The following NFX1 variants were observed in gnomAD, a reference collection of about 807,000 sequenced individuals.
The protein encoded by NFX1 is transcriptional repressor NF-X1.
In NFX1, 69 loss-of-function variants were observed where a neutral mutation model predicts 137.2. The ratio of observed to expected loss-of-function variants is 0.50; its 90% confidence interval spans 0.41 to 0.61. NFX1 has a LOEUF of 0.61. Ranked by LOEUF, NFX1 falls within the 20% of genes least tolerant of loss-of-function variation. NFX1 has a pLI of 0.00. For missense variants in NFX1, 1,167 were observed against 1,391.0 expected, an observed-to-expected ratio of 0.84 and a Z score of 2.56; for synonymous variants, 495 against 474.1, an observed-to-expected ratio of 1.04 and a Z score of -0.57.
At chr9:33,351,437 C>T (rs1282439128) in intron 15 of NFX1, 123 bp from the exon 16 acceptor site, 1 of 899,394 alleles carries the variant, frequency 1.1e-6, no homozygotes, top group African/African-American at 1.7e-5. Flanking sequence ...CAGTGAAACC[C>T]TATATCCGAA....
Position 33,364,125 on chromosome 9 carries a change from C to T in NFX1, c.2972+17C>T, listed in dbSNP as rs765638560. The T allele has an allele frequency of 1.8e-5, 28 of 1,564,544 alleles. No homozygotes were observed. In the Admixed American group the frequency reaches 4.7e-4, roughly 26 times the overall value. On this transcript the variant is annotated intron_variant, in intron 20 of 23. Coordinates refer to ENST00000379540, the MANE Select transcript of NFX1 (RefSeq NM_002504.6). ...AGATGCCAGGTATGTAACTTGTTAC[C>T]TGCTTTCTTAATTGTGGCTTGTCAG...
chr9:33,315,756 GT>G (rs1416530909), intron 7 of NFX1, among the ~76,000 whole-genome samples: 2 of 151,908 alleles, frequency 1.3e-5, no homozygotes, highest in Non-Finnish European at 2.9e-5. Flanking sequence ...GCCAGACATG[GT>G]GGCATGTATC....
chr9:33,316,381 A>C (rs903407570), intron 7 of NFX1, among the ~76,000 whole-genome samples: 1 of 151,836 alleles, frequency 6.6e-6, no homozygotes, highest in African/African-American at 2.4e-5. Context: ...CAGCCTCCCA[A>C]GTAGCTGGCA....
At chr9:33,362,159 T>G (rs1209815249) in intron 19 of NFX1, among the ~76,000 whole-genome samples, 1 of 150,900 alleles carries the variant, frequency 6.6e-6, no homozygotes, top group East Asian at 1.9e-4. Context: ...AAGGGAACAC[T>G]TACACATTCT....
At chr9:33,339,739 C>T (rs1823149673) in intron 12 of NFX1, among the ~76,000 whole-genome samples, 1 of 152,222 alleles carries the variant, frequency 6.6e-6, no homozygotes, top group Non-Finnish European at 1.5e-5. Context: ...GGAGTACAGG[C>T]ATTGGGTATA....
At position 33,313,802 on chromosome 9, in the gene NFX1, TG is replaced by T; in HGVS notation, c.1588+12del. ...GATCATTTTGAACCAGGGTAAGTGG[TG>T]GGCACACCAGCTAGCAATGCTTGTG... is the stretch of plus-strand genomic sequence containing the variant. On this transcript the variant is annotated intron_variant, in intron 7 of 23. Coordinates refer to ENST00000379540, the MANE Select transcript of NFX1 (RefSeq NM_002504.6). 1 of 1,610,688 alleles carries T rather than the reference TG, an allele frequency of 6.2e-7. No homozygotes were observed. The highest frequency in any genetic ancestry group is 1.1e-5 in the South Asian group (1 of 90,974).
chr9:33,308,611 C>T (rs1310505591), intron 5 of NFX1, among the ~76,000 whole-genome samples: 1 of 152,040 alleles, frequency 6.6e-6, no homozygotes, highest in Non-Finnish European at 1.5e-5. Flanking sequence ...AGTTATGTAA[C>T]CTTGGACAAG....
At chr9:33,343,472 GA>G (rs1021431452) in intron 13 of NFX1, among the ~76,000 whole-genome samples, 41 of 152,166 alleles carry the variant, frequency 2.7e-4, no homozygotes, top group Non-Finnish European at 4.6e-4. Flanking sequence ...TGAGGCATAT[GA>G]AAAAAATCCA....
At chr9:33,367,405 A>C in intron 22 of NFX1, 110 bp from the exon 23 acceptor site, 1 of 989,502 alleles carries the variant, frequency 1.0e-6, no homozygotes, top group Non-Finnish European at 1.6e-6. Flanking sequence ...CATACCAGAG[A>C]GTGCTCAGTA....
chr9:33,333,560 C>G (rs1822890022), intron 11 of NFX1, among the ~76,000 whole-genome samples: 1 of 152,140 alleles, frequency 6.6e-6, no homozygotes, highest in Non-Finnish European at 1.5e-5. Context: ...TATGTAAGAG[C>G]AAGGAAAACA....
intron 12 of NFX1, among the ~76,000 whole-genome samples, chr9:33,339,800 C>G (rs532863696): frequency 1.3e-5 from 2 of 152,304 alleles, no homozygotes; most frequent in African/African-American, 4.8e-5. Flanking sequence ...GGCTACAGGC[C>G]CCATGCAAGT....
At chr9:33,300,347 G>A (rs1413687261) in intron 2 of NFX1, among the ~76,000 whole-genome samples, 1 of 152,092 alleles carries the variant, frequency 6.6e-6, no homozygotes. Context: ...ACAGGTGTAA[G>A]CCACCGTGTC....
At chr9:33,352,802 G>C in intron 17 of NFX1, 83 bp downstream of exon 17, 1 of 1,131,362 alleles carries the variant, frequency 8.8e-7, no homozygotes. Context: ...AGCTAGTCAA[G>C]TGAAGCAGTG....
In NFX1 at chr9:33,318,939, C is replaced by G; in HGVS notation, c.1718C>G (p.Ser573Trp). ...KDLKCGNHTC[S>W]QVCHPQPCQQ... ...TTGAAATGCGGTAACCATACATGTTCGCAAGTGTGCCACCCTCAGCCCTGC... is the reference window on the plus strand; with the variant it reads ...TTGAAATGCGGTAACCATACATGTTGGCAAGTGTGCCACCCTCAGCCCTGC... Residue 573 changes from serine (S) to tryptophan (W), a missense_variant, in exon 9 of 24, where the codon TCG becomes TGG. Around this residue, in one of 3 missense-constraint regions of NFX1, gnomAD observed 488 missense variants for 691.5 expected, o/e 0.71. Coordinates refer to ENST00000379540, the MANE Select transcript of NFX1 (RefSeq NM_002504.6). 7 of 1,614,212 alleles carry G rather than the reference C, an allele frequency of 4.3e-6. No individual in the cohort carries two copies. The highest frequency in any genetic ancestry group is 5.1e-6 in the Non-Finnish European group (6 of 1,180,040).
chr9:33,326,959 C>T (rs1348538156), intron 9 of NFX1, among the ~76,000 whole-genome samples: 2 of 151,784 alleles, frequency 1.3e-5, no homozygotes, highest in African/African-American at 2.4e-5. Context: ...ATATGGTAAG[C>T]CCTAGAGGGA....
At chr9:33,363,366 C>T (rs1824071281) in intron 19 of NFX1, among the ~76,000 whole-genome samples, 1 of 151,558 alleles carries the variant, frequency 6.6e-6, no homozygotes, top group Non-Finnish European at 1.5e-5. Flanking sequence ...TTCACTGCAA[C>T]CTCTTTCTCC....
intron 4 of NFX1, among the ~76,000 whole-genome samples, chr9:33,304,186 T>G (rs1821674021): frequency 6.6e-6 from 1 of 152,130 alleles, no homozygotes; most frequent in African/African-American, 2.4e-5. Context: ...CGCTTGAACC[T>G]GGGAGGCAGA....
At chr9:33,331,443 T>C (rs998879051) in intron 10 of NFX1, among the ~76,000 whole-genome samples, 1 of 152,258 alleles carries the variant, frequency 6.6e-6, no homozygotes, top group Non-Finnish European at 1.5e-5. Context: ...TTATGGGAGT[T>C]CTGCCTTTCC....
In NFX1 at chr9:33,318,901, T is replaced by C. The variant is rs1404070307; in HGVS notation, c.1689-9T>C. On this transcript the variant is annotated splice_polypyrimidine_tract_variant and intron_variant, in intron 8 of 23. Coordinates refer to ENST00000379540, the MANE Select transcript of NFX1 (RefSeq NM_002504.6). Reference sequence around the variant, plus strand: ...GCAACAATTATGTAATAGTGTGTTTTCTTAACAGGGACTTGAAATGCGGTA... The same window carrying C: ...GCAACAATTATGTAATAGTGTGTTTCCTTAACAGGGACTTGAAATGCGGTA... The C allele has an allele frequency of 1.2e-6, 2 of 1,614,246 alleles. No homozygotes were observed. The highest frequency in any genetic ancestry group is 3.3e-5 in the Admixed American group (2 of 60,024).
Sources: gnomAD v4.1 joint callset for allele counts (sites outside exome capture counted in the v4.1 genomes callset) on GRCh38, gnomAD v4.1.1 for gene constraint, gnomAD v4.1.1 regional missense constraint, MANE v1.5 for transcripts, NCBI Gene and HGNC (gene_info 2026-07-23, HGNC 2026-07-21) for gene names.